SYNPO2: variants seen among roughly 807,000 people sequenced by gnomAD.
The protein encoded by SYNPO2 is synaptopodin 2, also known as synaptopodin-2.
In SYNPO2, 56 loss-of-function variants were observed where a neutral mutation model predicts 85.0. The observed-to-expected ratio is 0.66, with a 90% CI of 0.53 to 0.82. The LOEUF is 0.82. SYNPO2 is among the 40% of genes least tolerant of loss of function. The pLI is 0.00. For synonymous variants in SYNPO2, 602 were observed against 591.1 expected, an observed-to-expected ratio of 1.02 and a Z score of -0.27; for missense variants, 1,575 against 1,534.2, an observed-to-expected ratio of 1.03 and a Z score of -0.44.
At chr4:118,897,125 A>T (rs1732574829) in intron 1 of SYNPO2, among the ~76,000 whole-genome samples, 1 of 152,188 alleles carries the variant, frequency 6.6e-6, no homozygotes, top group African/African-American at 2.4e-5. Flanking sequence ...GCCTCAGGAA[A>T]CTTAGAATCA....
intron 1 of SYNPO2, among the ~76,000 whole-genome samples, chr4:118,907,572 G>C (rs1372955829): frequency 1.3e-5 from 2 of 152,130 alleles, no homozygotes; most frequent in East Asian, 3.9e-4. Context: ...ACTTGGACTT[G>C]ATTAGTATAG....
At chr4:119,029,166 A>T (rs1488680285) in intron 3 of SYNPO2, among the ~76,000 whole-genome samples, 1 of 152,060 alleles carries the variant, frequency 6.6e-6, no homozygotes, top group East Asian at 1.9e-4. Context: ...AGTTTCTTAT[A>T]TGTATTTACA....
At position 118,976,803 on chromosome 4, in the gene SYNPO2, A is replaced by T. The variant is rs189634177; in HGVS notation, c.106-46627A>T. Among the ~76,000 whole-genome samples, 192 of 152,142 alleles carry T rather than the reference A, an allele frequency of 1.3e-3. 1 individual carries two copies. Among genetic ancestry groups the T allele is most frequent in the Admixed American group, 3.7e-3 (57 of 15,290 alleles). On this transcript the variant is annotated intron_variant, in intron 1 of 4. Transcript: ENST00000307142. ...CAGAATGCCGATTGGTGTATTTACA[A>T]TACTTGAGCTAGACATAAAGGTTCT...
At chr4:118,883,600 T>A (rs889884461) in intron 1 of SYNPO2, among the ~76,000 whole-genome samples, 2 of 152,254 alleles carry the variant, frequency 1.3e-5, no homozygotes, top group African/African-American at 4.8e-5. Flanking sequence ...AAGTATCTGA[T>A]ACGTTGTTAA....
At chr4:119,038,527 C>T in intron 4 of SYNPO2, 1 of 985,412 alleles carries the variant, frequency 1.0e-6, no homozygotes. Flanking sequence ...AAAGGAAGTG[C>T]TCCCTTTGGC....
rs148615241 is a variant in SYNPO2 at position 118,996,340 on chromosome 4, G to A, written c.106-27090G>A. ...CCCAAAATGATCAGCCACCCCCTTC[G>A]TCCACCACTTTTGCAATGCTTCTGT... On this transcript the variant is annotated intron_variant, in intron 1 of 4. Transcript: ENST00000307142. 4.6e-5 allele frequency among the ~76,000 whole-genome samples: 7 copies of A among 152,074 alleles called. No homozygotes were observed. The South Asian group carries it at 1.0e-3, about 23-fold the overall frequency.
Position 119,029,874 on chromosome 4 carries a change from A to C in SYNPO2, c.1099A>C (p.Lys367Gln), listed in dbSNP as rs758786844. The C allele has an allele frequency of 1.4e-5, 23 of 1,598,902 alleles. No individual in the cohort carries two copies. The highest frequency in any genetic ancestry group is 2.0e-5 in the Non-Finnish European group (23 of 1,170,654). ...RLRRSESLSE[K>Q]QVKEAKSKCK... ...CAGGAGGAGTGAAAGCCTGTCAGAAAAACAAGTGAAGGAAGCAAAATCTAA... is the reference window on the plus strand; with the variant it reads ...CAGGAGGAGTGAAAGCCTGTCAGAACAACAAGTGAAGGAAGCAAAATCTAA... The change falls in exon 4 of 5, where the codon AAA becomes CAA. Residue 367 changes from lysine to glutamine, a missense_variant. Around this residue, in one of 3 missense-constraint regions of SYNPO2, gnomAD observed 1,508 missense variants for 1,446.8 expected, o/e 1.04. Coordinates refer to ENST00000307142, the MANE Select transcript of SYNPO2 (RefSeq NM_133477.3).
intron 1 of SYNPO2, among the ~76,000 whole-genome samples, chr4:119,004,834 G>C (rs201579458): frequency 1.3e-5 from 2 of 151,408 alleles, no homozygotes; most frequent in Non-Finnish European, 2.9e-5. Context: ...CTAGTTTACA[G>C]TCCCACCAAC....
chr4:118,891,302 A>C (rs888301979), intron 1 of SYNPO2, among the ~76,000 whole-genome samples: 1 of 152,198 alleles, frequency 6.6e-6, no homozygotes, highest in African/African-American at 2.4e-5. Flanking sequence ...TCATTATAAA[A>C]GTATCTGGAA....
chr4:118,875,189 C>A (rs1731881018), intron 1 of SYNPO2, among the ~76,000 whole-genome samples: 1 of 152,178 alleles, frequency 6.6e-6, no homozygotes, highest in Admixed American at 6.5e-5. Flanking sequence ...GACATGATAT[C>A]ATTCCTTTTT....
At chr4:119,035,314 G>T in intron 4 of SYNPO2, 1 of 985,438 alleles carries the variant, frequency 1.0e-6, no homozygotes, top group Non-Finnish European at 1.2e-6. Context: ...CCATGGACAT[G>T]TAAGTACAGC....
upstream of SYNPO2, among the ~76,000 whole-genome samples, chr4:118,887,176 T>TGTGTGG (rs1732214718): frequency 7.1e-6 from 1 of 140,478 alleles, no homozygotes; most frequent in Non-Finnish European, 1.6e-5. Context: ...AGTGTGTGTG[T>TGTGTGG]GTGTGTGTGT....
At chr4:119,032,959 A>G (rs74330301) in intron 4 of SYNPO2, 57,829 of 977,810 alleles carry the variant, frequency 0.059, 1,857 homozygotes, top group Non-Finnish European at 0.065. Flanking sequence ...TACTTAAGGA[A>G]CTAAGTGAGT....
At chr4:118,888,775 A>G (rs1307293166), upstream of SYNPO2, 4 of 494,878 alleles carry the variant, frequency 8.1e-6, no homozygotes, top group Non-Finnish European at 1.4e-5. Flanking sequence ...TGGGCCGAGC[A>G]AAGGAGAGTG....
chr4:118,997,628 A>T (rs1196705222), intron 1 of SYNPO2, among the ~76,000 whole-genome samples: 1 of 152,194 alleles, frequency 6.6e-6, no homozygotes, highest in Non-Finnish European at 1.5e-5. Context: ...TGAAAGATTC[A>T]ATAGTGGATG....
chr4:118,880,732 G>A (rs1159768765), intron 1 of SYNPO2, among the ~76,000 whole-genome samples: 6 of 134,326 alleles, frequency 4.5e-5, no homozygotes, highest in African/African-American at 1.6e-4. Context: ...GGGCGACAGA[G>A]CGAGACTCTG....
intron 4 of SYNPO2, among the ~76,000 whole-genome samples, chr4:119,047,940 C>T (rs542627842): frequency 4.3e-4 from 65 of 152,340 alleles, no homozygotes; most frequent in Middle Eastern, 3.4e-3. Flanking sequence ...TAATTCCAAT[C>T]TCTTTTATCG....
chr4:118,877,358 A>T (rs1046621025), intron 1 of SYNPO2, among the ~76,000 whole-genome samples: 1 of 152,156 alleles, frequency 6.6e-6, no homozygotes, highest in Non-Finnish European at 1.5e-5. Context: ...AAATTGACAA[A>T]CGGGACCCAA....
At chr4:118,890,733 C>CTCTCTCTCTGTG (rs749295331) in intron 1 of SYNPO2, among the ~76,000 whole-genome samples, 371 of 126,172 alleles carry the variant, frequency 2.9e-3, no homozygotes, top group Middle Eastern at 8.1e-3. Context: ...CTCTCTCTCT[C>CTCTCTCTCTGTG]TGTGTGTGTG....
Sources: allele counts gnomAD v4.1 joint callset (sites outside exome capture counted in the v4.1 genomes callset), GRCh38; gene constraint gnomAD v4.1.1; regional missense constraint gnomAD v4.1.1; transcripts MANE v1.5; gene names NCBI Gene and HGNC (gene_info 2026-07-23, HGNC 2026-07-21).